MKRN2: variants seen among roughly 807,000 people sequenced by gnomAD.
MKRN2 encodes E3 ubiquitin-protein ligase makorin-2.
MKRN2 carries 32 observed loss-of-function variants against 45.4 expected under a neutral mutation model. The observed-to-expected ratio is 0.70, with a 90% CI of 0.53 to 0.95. MKRN2 has a LOEUF of 0.95. Among genes scored for constraint, MKRN2 ranks in the 40% least tolerant of loss-of-function variants. The pLI is 0.00. For synonymous variants in MKRN2, 206 were observed against 192.4 expected (o/e 1.07, Z -0.59); for missense variants, 526 against 536.7 (o/e 0.98, Z 0.20).
At chr3:12,572,401 CAT>C (rs2058105497) in intron 4 of MKRN2, 28 bp downstream of exon 4, 1 of 1,524,078 alleles carries the variant, frequency 6.6e-7, no homozygotes, top group Admixed American at 2.1e-5. Context: ...TGCATGAACT[CAT>C]GTTAAGAAAT....
At chr3:12,576,472 T>C (rs1173540676) in intron 5 of MKRN2, among the ~76,000 whole-genome samples, 159 bp from the exon 6 acceptor site, 1 of 152,164 alleles carries the variant, frequency 6.6e-6, no homozygotes, top group Non-Finnish European at 1.5e-5. Flanking sequence ...ATTTTGTTAA[T>C]AGTAAATAAG....
Position 12,572,071 on chromosome 3 carries a change from C to A in MKRN2, c.340C>A (p.Leu114Ile). ...KRTLVLRDRN[L>I]SGMAERKTQP... ...TGTGTGCTGTGTGTTGTTTTCAGAT[C>A]TCTCTGGCATGGCTGAAAGGAAGAC... Residue 114 changes from leucine to isoleucine, a missense_variant and splice_region_variant, in exon 4 of 8, where the codon CTC (leucine) becomes ATC (isoleucine). Coordinates refer to ENST00000170447, the MANE Select transcript of MKRN2 (RefSeq NM_014160.5). 6.3e-7 allele frequency: 1 copy of A among 1,595,250 alleles called. No homozygotes were observed. Among genetic ancestry groups the A allele is most frequent in the Non-Finnish European group, 8.6e-7 (1 of 1,169,232 alleles).
chr3:12,564,470 ATC>A (rs1383754986), intron 1 of MKRN2, among the ~76,000 whole-genome samples: 1 of 152,196 alleles, frequency 6.6e-6, no homozygotes, highest in African/African-American at 2.4e-5. Context: ...CTTTCAAAAT[ATC>A]TGGTTTCAAA....
chr3:12,581,541 C>T (rs2058178176), intron 6 of MKRN2, among the ~76,000 whole-genome samples: 1 of 152,206 alleles, frequency 6.6e-6, no homozygotes, highest in African/African-American at 2.4e-5. Context: ...ACTGCAGTCT[C>T]CACACAGCAA....
At position 12,582,121 on chromosome 3, in the gene MKRN2, T is replaced by G; in HGVS notation, c.1119T>G (p.Phe373Leu). The change falls in exon 8 of 8, where the codon TTT becomes TTG. Residue 373 changes from phenylalanine (F) to leucine (L), a missense_variant. Physicochemically the swap from Phe to Leu is conservative, Grantham distance 22 (BLOSUM62 0). Transcript: ENST00000170447. ...TCCACTGGCTGTTTTTGCAGTTCTT[T>G]AATTCAGTGCGGCTCTGGGATTTCA... ...QLSSQGTVRF[F>L]NSVRLWDFIE... is the part of the protein sequence containing the mutation. The G allele has an allele frequency of 1.9e-6, 3 of 1,614,206 alleles. No homozygotes were observed. The South Asian group carries it at 3.3e-5, about 18-fold the overall frequency.
chr3:12,569,436 A>G (rs542196596), intron 2 of MKRN2, among the ~76,000 whole-genome samples: 2 of 152,158 alleles, frequency 1.3e-5, no homozygotes, highest in East Asian at 3.9e-4. Context: ...CTGGAATTAC[A>G]GGCGTGAGCC....
intron 6 of MKRN2, among the ~76,000 whole-genome samples, chr3:12,579,640 G>A (rs1005187442): frequency 1.3e-5 from 2 of 152,198 alleles, no homozygotes; most frequent in Non-Finnish European, 2.9e-5. Context: ...GCACCTGTCT[G>A]TAGGGGGAAG....
chr3:12,581,970 C>T lies in MKRN2; in HGVS notation c.1113+18C>T, dbSNP rs762319833. On this transcript the variant is annotated intron_variant, in intron 7 of 7. Transcript: ENST00000170447. ...CTGTGAGGGTAAGGACTTTAGCCAT[C>T]TCTAGTTGGGGACACTTAGCAGCTG... 1.9e-5 allele frequency: 31 copies of T among 1,612,596 alleles called. No homozygotes were observed. The highest frequency in any genetic ancestry group is 1.1e-4 in the East Asian group (5 of 44,844).
In MKRN2 at chr3:12,572,296, C is replaced by T; in HGVS notation, c.565C>T (p.His189Tyr). Reference protein sequence around the residue: ...CRFGDACVYLHGEVCEICRLQ... With the variant: ...CRFGDACVYLYGEVCEICRLQ... ...GTTTGGGGATGCCTGTGTCTACCTG[C>T]ACGGGGAGGTGTGTGAAATCTGTAG... Residue 189 changes from histidine (H) to tyrosine (Y), a missense_variant, in exon 4 of 8, where the codon CAC becomes TAC. By Grantham distance (83) the His-to-Tyr change is moderately conservative. Coordinates refer to ENST00000170447, the MANE Select transcript of MKRN2 (RefSeq NM_014160.5). 1 of 1,613,116 alleles carries T rather than the reference C, an allele frequency of 6.2e-7. No individual in the cohort carries two copies. The highest frequency in any genetic ancestry group is 8.5e-7 in the Non-Finnish European group (1 of 1,179,228).
At chr3:12,574,590 A>T (rs1251534275) in intron 4 of MKRN2, among the ~76,000 whole-genome samples, 1 of 152,228 alleles carries the variant, frequency 6.6e-6, no homozygotes, top group Non-Finnish European at 1.5e-5. Flanking sequence ...GGGCTGGACC[A>T]GTGATGGTTT....
rs773703138 is a variant in MKRN2, at chr3:12,574,898, C to G, written c.749C>G (p.Ser250Cys). ...ATGGAAGTGATCCTGGAGAAGGCCTCTGCTTCTGAGAGGAGATTTGGGATT... is the reference window on the plus strand; with the variant it reads ...ATGGAAGTGATCCTGGAGAAGGCCTGTGCTTCTGAGAGGAGATTTGGGATT... The part of the protein sequence containing the change: ...ICMEVILEKA[S>C]ASERRFGILS... Residue 250 changes from serine (S) to cysteine (C), a missense_variant, in exon 5 of 8, where the codon TCT becomes TGT. Transcript: ENST00000170447. 19 of 1,614,118 alleles carry G rather than the reference C, an allele frequency of 1.2e-5. No individual in the cohort carries two copies. The South Asian group carries it at 2.0e-4, about 17-fold the overall frequency.
intron 1 of MKRN2, among the ~76,000 whole-genome samples, chr3:12,564,367 T>C (rs1220574262): frequency 6.6e-6 from 1 of 152,268 alleles, no homozygotes; most frequent in South Asian, 2.1e-4. Flanking sequence ...AGCTGTTTTA[T>C]AATCTACTCT....
chr3:12,576,211 G>A (rs567530611), intron 5 of MKRN2, among the ~76,000 whole-genome samples: 1 of 150,278 alleles, frequency 6.7e-6, no homozygotes, highest in Non-Finnish European at 1.5e-5. Context: ...GTGTGTGTGT[G>A]TGTGTGTGTG....
At chr3:12,579,339 A>AT (rs539060455) in intron 6 of MKRN2, among the ~76,000 whole-genome samples, 61 of 151,800 alleles carry the variant, frequency 4.0e-4, no homozygotes, top group African/African-American at 1.3e-3. Context: ...TAATTTTTGT[A>AT]TTTTTTTAGT....
Position 12,582,452 on chromosome 3 carries a change from T to C in MKRN2, c.*199T>C, listed in dbSNP as rs2058189959. 3 of 625,534 alleles carry C rather than the reference T, an allele frequency of 4.8e-6. No homozygotes were observed. Among genetic ancestry groups the C allele is most frequent in the Admixed American group, 6.1e-5 (2 of 32,782 alleles). The allele number at this position is 625,534 out of a possible 1,614,324, so 38.7% of individuals were successfully genotyped here. ...AAAGATATAAAGTAACCTAATTAAA[T>C]GTATGGAATTGCTATTTTTATAGCT... On this transcript the variant is annotated 3_prime_UTR_variant, in exon 8 of 8. Transcript: ENST00000170447.
chr3:12,569,214 G>A (rs981571086), intron 2 of MKRN2, among the ~76,000 whole-genome samples: 42 of 149,966 alleles, frequency 2.8e-4, no homozygotes, highest in African/African-American at 1.0e-3. Flanking sequence ...CAGGCTGGAG[G>A]GCAGTGGTGC....
At chr3:12,561,727 T>C (rs557452282) in intron 1 of MKRN2, among the ~76,000 whole-genome samples, 57 of 152,250 alleles carry the variant, frequency 3.7e-4, no homozygotes, top group Non-Finnish European at 5.6e-4. Flanking sequence ...ATGAGTTTAC[T>C]AATCCTGATA....
chr3:12,557,223 A>AG, intron 1 of MKRN2, 47 bp downstream of exon 1: 1 of 1,523,622 alleles, frequency 6.6e-7, no homozygotes, highest in East Asian at 2.6e-5. Flanking sequence ...CCCAGGCCGC[A>AG]GGGGGGCCGG....
rs376966478 is a variant in MKRN2, at chr3:12,557,120, G to C, written c.-31G>C. ...GGCGGCAGCGGCTGCGAGAGGCGGC[G>C]GCACGACGACGGTCCCTCAGCCCAG... On this transcript the variant is annotated 5_prime_UTR_variant, in exon 1 of 8. Coordinates refer to ENST00000170447, the MANE Select transcript of MKRN2 (RefSeq NM_014160.5). 11 of 1,493,844 alleles carry C rather than the reference G, an allele frequency of 7.4e-6. No individual in the cohort carries two copies. The highest frequency in any genetic ancestry group is 1.7e-4 in the Middle Eastern group (1 of 5,788). The allele number at this position is 1,493,844 out of a possible 1,614,324, so 92.5% of individuals were successfully genotyped here.
Sources: gnomAD v4.1 joint callset for allele counts (sites outside exome capture counted in the v4.1 genomes callset) on GRCh38, gnomAD v4.1.1 for gene constraint, MANE v1.5 for transcripts, NCBI Gene and HGNC (gene_info 2026-07-23, HGNC 2026-07-21) for gene names.